EXD1: variants seen among roughly 807,000 people sequenced by gnomAD.
EXD1 encodes exonuclease 3'-5' domain containing 1.
A neutral mutation model predicts 49.1 loss-of-function variants in EXD1; 63 were observed. The ratio of observed to expected loss-of-function variants is 1.28; its 90% CI spans 1.05 to 1.58. EXD1 has a LOEUF of 1.58. Ranked by LOEUF, EXD1 falls within the 40% of genes most tolerant of loss-of-function variation. EXD1 has a pLI of 0.00. For synonymous variants in EXD1, 234 were observed against 239.2 expected, an observed-to-expected ratio of 0.98 and a Z score of 0.20; for missense variants, 748 against 666.0, an observed-to-expected ratio of 1.12 and a Z score of -1.36.
At chr15:41,214,911 A>AT (rs2046978075) in intron 6 of EXD1, among the ~76,000 whole-genome samples, 1 of 151,822 alleles carries the variant, frequency 6.6e-6, no homozygotes, top group Admixed American at 6.6e-5. Flanking sequence ...ATGCCCGGCT[A>AT]TTTTTTTGTA....
intron 2 of EXD1, among the ~76,000 whole-genome samples, chr15:41,220,183 G>C (rs1474947613): frequency 2.6e-5 from 4 of 151,828 alleles, no homozygotes; most frequent in Non-Finnish European, 4.4e-5. Context: ...ATATTCTAAG[G>C]CCTTTGGGGT....
intron 7 of EXD1, 130 bp downstream of exon 7, chr15:41,209,371 C>G (rs2046885536): frequency 2.7e-6 from 2 of 752,326 alleles, no homozygotes; most frequent in Non-Finnish European, 2.2e-6. Context: ...GATCTATGAT[C>G]TGCACTGTGG....
At chr15:41,216,966 C>A in intron 4 of EXD1, 131 bp downstream of exon 4, 1 of 1,266,340 alleles carries the variant, frequency 7.9e-7, no homozygotes. Flanking sequence ...GAAGAAAACA[C>A]CTATATATTT....
intron 2 of EXD1, among the ~76,000 whole-genome samples, chr15:41,224,410 T>C (rs953140416): frequency 2.0e-5 from 3 of 152,170 alleles, no homozygotes; most frequent in Non-Finnish European, 2.9e-5. Context: ...TAACTCAAAA[T>C]TTGGTTTCAT....
At chr15:41,202,776 G>A (rs1288660692) in intron 7 of EXD1, among the ~76,000 whole-genome samples, 2 of 152,056 alleles carry the variant, frequency 1.3e-5, no homozygotes, top group African/African-American at 2.4e-5. Flanking sequence ...AAATTAGCCA[G>A]GCCCAGTGGT....
At chr15:41,219,660 A>G in intron 3 of EXD1, 170 bp downstream of exon 3, 1 of 542,232 alleles carries the variant, frequency 1.8e-6, no homozygotes, top group Non-Finnish European at 3.1e-6. Context: ...CAAAATGATT[A>G]TAATTCTATA....
At chr15:41,196,910 C>T (rs1238655320) in intron 7 of EXD1, among the ~76,000 whole-genome samples, 1 of 152,104 alleles carries the variant, frequency 6.6e-6, no homozygotes, top group Non-Finnish European at 1.5e-5. Context: ...ACTGCAAATT[C>T]AACCACCCAG....
rs541167819 is a variant in EXD1, at chr15:41,219,918, A to T, written c.134-20T>A. 9.2e-6 allele frequency: 14 copies of T among 1,522,162 alleles called. No homozygotes were observed. In the East Asian group the frequency reaches 3.4e-4, roughly 37 times the overall value. The allele number at this position is 1,522,162 out of a possible 1,614,324, so 94.3% of individuals were successfully genotyped here. ...TCTTCACTGTTACAGAAAACAATTC[A>T]TTCAGTTAATTAAAATATTTTCCTA... On this transcript the variant is annotated intron_variant, in intron 2 of 11. Transcript: ENST00000458580.
In EXD1 at chr15:41,188,806, T is replaced by C. The variant is rs1435081031; in HGVS notation, c.1056+1131A>G. Among the ~76,000 whole-genome samples the C allele has an allele frequency of 4.2e-5, 6 of 142,600 alleles. No individual in the cohort carries two copies. The South Asian group carries it at 9.1e-4, about 22-fold the overall frequency. The allele number at this position is 142,600 out of a possible 152,430, so 93.6% of individuals were successfully genotyped here. On this transcript the variant is annotated intron_variant, in intron 11 of 11. Coordinates refer to ENST00000458580, the MANE Select transcript of EXD1 (RefSeq NM_001286441.2). ...CCTTTTTTTTCTTTTCTTTCTTCTT[T>C]TTTTTTTTTTTTTTGAGACAGAGTC... is the stretch of plus-strand genomic sequence containing the variant.
At chr15:41,198,651 T>C (rs2046654298) in intron 7 of EXD1, among the ~76,000 whole-genome samples, 2 of 151,678 alleles carry the variant, frequency 1.3e-5, no homozygotes, top group East Asian at 3.9e-4. Context: ...TTTGCACCAC[T>C]GCACTCTAGC....
rs546974564 is a variant in EXD1 at position 41,198,454 on chromosome 15, G to C, written c.535-2417C>G. Among the ~76,000 whole-genome samples, 3 of 152,234 alleles carry C rather than the reference G, an allele frequency of 2.0e-5. No homozygotes were observed. In the South Asian group the frequency reaches 6.2e-4, roughly 32 times the overall value. On this transcript the variant is annotated intron_variant, in intron 7 of 11. Coordinates refer to ENST00000458580, the MANE Select transcript of EXD1 (RefSeq NM_001286441.2). ...ACCTGTAATCGTAAGCACTTTGGGA[G>C]GCCAAGGTAGGAGGATCTCTTGAAC...
rs780709599 is a variant in EXD1, at chr15:41,184,021, A to G, written c.1629T>C (p.Pro543=). The change falls in exon 12 of 12, where the codon CCT becomes CCC. Residue 543 remains proline (P), a synonymous_variant. Transcript: ENST00000458580. ...TRVSPSDTFY[P]IRKTVVSTLP... ...GTGTGGAAACCACAGTCTTTCTGATAGGATAAAAAGTGTCACTTGGAGACA... is the reference window on the plus strand; with the variant it reads ...GTGTGGAAACCACAGTCTTTCTGATGGGATAAAAAGTGTCACTTGGAGACA... 3 of 1,614,186 alleles carry G rather than the reference A, an allele frequency of 1.9e-6. No homozygotes were observed. The highest frequency in any genetic ancestry group is 4.5e-5 in the East Asian group (2 of 44,888).
At chr15:41,192,612 T>G (rs1482773324) in intron 9 of EXD1, among the ~76,000 whole-genome samples, 6 of 99,900 alleles carry the variant, frequency 6.0e-5, no homozygotes, top group African/African-American at 2.6e-4. Context: ...TTTTTTTTTT[T>G]TTTTTTTTTT....
At position 41,183,635 on chromosome 15, in the gene EXD1, A is replaced by T. The variant is rs1022101338; in HGVS notation, c.*296T>A. On this transcript the variant is annotated 3_prime_UTR_variant, in exon 12 of 12. Transcript: ENST00000458580. ...ATGGAGTCTTCCTGATACTAAGCCC[A>T]AGATTCTTCCTTTCTTCAAATCCTC... The T allele has an allele frequency of 1.6e-4, 42 of 255,170 alleles. No homozygotes were observed. Among genetic ancestry groups the T allele is most frequent in the East Asian group, 1.4e-3 (19 of 13,106 alleles). The allele number at this position is 255,170 out of a possible 1,614,324, so 15.8% of individuals were successfully genotyped here.
chr15:41,189,680 A>T (rs1377275740), intron 11 of EXD1, among the ~76,000 whole-genome samples: 1 of 151,634 alleles, frequency 6.6e-6, no homozygotes, highest in East Asian at 1.9e-4. Flanking sequence ...ATAAATAAAT[A>T]AAATAAAATA....
intron 1 of EXD1, among the ~76,000 whole-genome samples, chr15:41,228,536 T>C (rs903699647): frequency 3.3e-5 from 5 of 152,180 alleles, no homozygotes; most frequent in African/African-American, 7.2e-5. Flanking sequence ...GTTTGTAGTT[T>C]AGTGCAAGAC....
chr15:41,216,574 T>C, intron 5 of EXD1, 94 bp downstream of exon 5: 1 of 1,294,136 alleles, frequency 7.7e-7, no homozygotes, highest in African/African-American at 1.5e-5. Flanking sequence ...GAGGTTGCAG[T>C]GAGCCGAGAT....
intron 11 of EXD1, among the ~76,000 whole-genome samples, chr15:41,187,656 C>T (rs538962363): frequency 1.3e-5 from 2 of 152,138 alleles, no homozygotes; most frequent in Non-Finnish European, 1.5e-5. Context: ...CACACTGAAC[C>T]ATGCTTGCAA....
intron 11 of EXD1, among the ~76,000 whole-genome samples, chr15:41,186,892 T>C (rs904814018): frequency 2.7e-5 from 4 of 145,932 alleles, no homozygotes; most frequent in Non-Finnish European, 4.5e-5. Flanking sequence ...CTTTTTTTTT[T>C]TCTTTTTTTT....
Sources: allele counts gnomAD v4.1 joint callset (sites outside exome capture counted in the v4.1 genomes callset), GRCh38; gene constraint gnomAD v4.1.1; transcripts MANE v1.5; gene names NCBI Gene and HGNC (gene_info 2026-07-23, HGNC 2026-07-21).